TIMD4: variants seen among roughly 807,000 people sequenced by gnomAD.
TIMD4 encodes T-cell immunoglobulin and mucin domain-containing protein 4.
TIMD4 carries 31 observed loss-of-function variants against 41.2 expected under a neutral mutation model. The observed-to-expected ratio is 0.75, with a 90% CI of 0.57 to 1.01. The LOEUF is 1.01. Ranked by LOEUF, TIMD4 falls within the 50% of genes least tolerant of loss-of-function variation. The pLI, the probability that TIMD4 is intolerant of heterozygous loss-of-function variation, is 0.00. For synonymous variants in TIMD4, 204 were observed against 177.1 expected, an observed-to-expected ratio of 1.15 and a Z score of -1.21; for missense variants, 479 against 472.5, an observed-to-expected ratio of 1.01 and a Z score of -0.13.
intron 5 of TIMD4, among the ~76,000 whole-genome samples, chr5:156,940,195 T>G (rs1290320957): frequency 6.6e-6 from 1 of 152,188 alleles, no homozygotes; most frequent in African/African-American, 2.4e-5. Context: ...TGACCTCGAG[T>G]GATCTGCCCG....
At chr5:156,928,655 G>C (rs575374739) in intron 5 of TIMD4, among the ~76,000 whole-genome samples, 18 of 152,356 alleles carry the variant, frequency 1.2e-4, no homozygotes, top group African/African-American at 4.3e-4. Context: ...AAATGTGGTA[G>C]ATTTTGTAAG....
chr5:156,929,635 A>G (rs1423543292), intron 5 of TIMD4, among the ~76,000 whole-genome samples: 2 of 152,218 alleles, frequency 1.3e-5, no homozygotes, highest in Non-Finnish European at 2.9e-5. Flanking sequence ...GGAAGAGGCA[A>G]GGAAGGGTTC....
Position 156,922,291 on chromosome 5 carries a change from A to G in TIMD4, c.895-75T>C, listed in dbSNP as rs549909369. 1.7e-5 allele frequency: 19 copies of G among 1,108,548 alleles called. No homozygotes were observed. The East Asian group carries it at 2.8e-4, about 17-fold the overall frequency. The allele number at this position is 1,108,548 out of a possible 1,614,324, so 68.7% of individuals were successfully genotyped here. On this transcript the variant is annotated intron_variant, in intron 6 of 8. Coordinates refer to ENST00000274532, the MANE Select transcript of TIMD4 (RefSeq NM_138379.3). ...CCTCACAAGATGACATCCCAGCCCAATAGCACCTTACAACCACCAGCAGTT... is the reference window on the plus strand; with the variant it reads ...CCTCACAAGATGACATCCCAGCCCAGTAGCACCTTACAACCACCAGCAGTT...
At chr5:156,937,650 CT>C (rs1329288634) in intron 5 of TIMD4, among the ~76,000 whole-genome samples, 1 of 152,134 alleles carries the variant, frequency 6.6e-6, no homozygotes, top group African/African-American at 2.4e-5. Context: ...TCTTTTAAAG[CT>C]TGGCAATTCT....
rs557145455 is a variant in TIMD4 at position 156,940,223 on chromosome 5, G to A, written c.844+8193C>T. On this transcript the variant is annotated intron_variant, in intron 5 of 8. Coordinates refer to ENST00000274532, the MANE Select transcript of TIMD4 (RefSeq NM_138379.3). ...TCTGCCCGCCTCGGCCTCCCGAGGT[G>A]CCGGGATTGCAGACGGAGTCTCACT... is the stretch of plus-strand genomic sequence containing the variant. Among the ~76,000 whole-genome samples the A allele has an allele frequency of 4.5e-4, 69 of 152,378 alleles. 1 individual carries two copies. The South Asian group carries it at 0.012, about 26-fold the overall frequency.
At position 156,951,583 on chromosome 5, in the gene TIMD4, C is replaced by T. The variant is rs747982212; in HGVS notation, c.608G>A (p.Ser203Asn). Residue 203 changes from serine to asparagine, a missense_variant, in exon 3 of 9, where the codon AGC (serine) becomes AAC (asparagine). Ser to Asn is a conservative substitution (Grantham distance 46, BLOSUM62 1). Coordinates refer to ENST00000274532, the MANE Select transcript of TIMD4 (RefSeq NM_138379.3). ...ACCTGTGGCTTCCTCCGGAAGGGTG[C>T]TTGGGGTTAGTGAAAGGCACGTGTT... is the stretch of plus-strand genomic sequence containing the variant. ...TANTCLSLTP[S>N]TLPEEATGLL... The T allele has an allele frequency of 1.2e-6, 2 of 1,613,994 alleles. No individual in the cohort carries two copies. The highest frequency in any genetic ancestry group is 2.2e-5 in the East Asian group (1 of 44,896).
At chr5:156,924,165 T>G in intron 6 of TIMD4, 1 of 433,716 alleles carries the variant, frequency 2.3e-6, no homozygotes, top group Admixed American at 2.9e-5. Flanking sequence ...AGCCTGAGCC[T>G]ACTCACCTTC....
chr5:156,930,667 A>T (rs1050326040), intron 5 of TIMD4, among the ~76,000 whole-genome samples: 1 of 152,210 alleles, frequency 6.6e-6, no homozygotes, highest in Non-Finnish European at 1.5e-5. Flanking sequence ...TCTTTTAAAC[A>T]TTTTCCAGAA....
chr5:156,943,692 T>C (rs991201142), intron 5 of TIMD4, among the ~76,000 whole-genome samples: 2 of 152,160 alleles, frequency 1.3e-5, no homozygotes, highest in Non-Finnish European at 2.9e-5. Context: ...CCCTACCCAG[T>C]AGAGAGGAGG....
At chr5:156,950,850 C>T (rs1759838091) in intron 3 of TIMD4, among the ~76,000 whole-genome samples, 1 of 152,146 alleles carries the variant, frequency 6.6e-6, no homozygotes, top group South Asian at 2.1e-4. Context: ...CCAGGAGTGA[C>T]CTTTCCTGGT....
chr5:156,946,474 C>CT (rs946763386), intron 5 of TIMD4, among the ~76,000 whole-genome samples: 4 of 151,764 alleles, frequency 2.6e-5, no homozygotes, highest in African/African-American at 7.3e-5. Flanking sequence ...CAACTCTGAG[C>CT]TTTTTTTTGT....
chr5:156,954,874 C>A (rs1395668719), intron 1 of TIMD4, 118 bp from the exon 2 acceptor site: 19 of 867,582 alleles, frequency 2.2e-5, no homozygotes, highest in Non-Finnish European at 3.3e-5. Flanking sequence ...GTCTATGTTT[C>A]TTTTCTTTCC....
chr5:156,941,046 G>A (rs932272240), intron 5 of TIMD4, among the ~76,000 whole-genome samples: 22 of 152,296 alleles, frequency 1.4e-4, no homozygotes, highest in African/African-American at 5.1e-4. Context: ...AACATGTGCT[G>A]TGTCAACTCA....
intron 6 of TIMD4, among the ~76,000 whole-genome samples, chr5:156,925,394 T>C (rs1759329248): frequency 6.6e-6 from 1 of 152,136 alleles, no homozygotes; most frequent in South Asian, 2.1e-4. Flanking sequence ...AGATATGCTC[T>C]CTCCCTCTCT....
At position 156,951,510 on chromosome 5, in the gene TIMD4, A is replaced by G. The variant is rs757281050; in HGVS notation, c.679+2T>C. ...TAAGAAACCCAAGATACATCTGCGT[A>G]CCTGCAGTGAGGATGGGCCCTTCCT... On this transcript the variant is annotated splice_donor_variant, in intron 3 of 8. Transcript: ENST00000274532. LOFTEE classifies it high-confidence loss of function. The G allele has an allele frequency of 6.2e-7, 1 of 1,614,112 alleles. No individual in the cohort carries two copies. Among genetic ancestry groups the G allele is most frequent in the Non-Finnish European group, 8.5e-7 (1 of 1,180,002 alleles).
chr5:156,958,410 G>T (rs1199726013), intron 1 of TIMD4, among the ~76,000 whole-genome samples: 1 of 151,438 alleles, frequency 6.6e-6, no homozygotes, highest in African/African-American at 2.4e-5. Context: ...GAAACTAGCA[G>T]AGGACATAAT....
chr5:156,959,912 G>A (rs1247613638), intron 1 of TIMD4, among the ~76,000 whole-genome samples: 13 of 152,034 alleles, frequency 8.6e-5, no homozygotes, highest in East Asian at 5.8e-4. Context: ...CTGTGGTGGC[G>A]GGCGCCTGCA....
intron 7 of TIMD4, 85 bp from the exon 8 acceptor site, chr5:156,920,588 G>A (rs144605579): frequency 2.3e-5 from 32 of 1,419,902 alleles, no homozygotes; most frequent in African/African-American, 1.1e-4. Flanking sequence ...GTGCTGCCCC[G>A]CAAAGAGCAG....
chr5:156,931,913 C>G (rs905802504), intron 5 of TIMD4, among the ~76,000 whole-genome samples: 1 of 147,430 alleles, frequency 6.8e-6, no homozygotes, highest in African/African-American at 2.6e-5. Flanking sequence ...AACTGATCTC[C>G]TATATCCTTT....
Sources: allele counts gnomAD v4.1 joint callset (sites outside exome capture counted in the v4.1 genomes callset), GRCh38; gene constraint gnomAD v4.1.1; transcripts MANE v1.5; gene names NCBI Gene and HGNC (gene_info 2026-07-23, HGNC 2026-07-21).